The following GBF1 variants were observed in gnomAD, a reference collection of about 807,000 sequenced individuals.
GBF1 encodes golgi brefeldin A resistant guanine nucleotide exchange factor 1, also known as Golgi-specific brefeldin A-resistance guanine nucleotide exchange factor 1.
Under a neutral mutation model 210.5 loss-of-function variants are expected in GBF1, and 114 were observed. The observed-to-expected ratio is 0.54, with a 90% confidence interval of 0.47 to 0.63. GBF1 has a LOEUF of 0.63. Among genes scored for constraint, GBF1 ranks in the 30% least tolerant of loss-of-function variants. GBF1 has a pLI of 0.00. For missense variants in GBF1, 1,851 were observed against 2,357.7 expected (o/e 0.79, Z 4.45); for synonymous variants, 850 against 889.2 (o/e 0.96, Z 0.78).
At chr10:102,261,397 G>C (rs1456147930) in intron 3 of GBF1, among the ~76,000 whole-genome samples, 24 of 152,080 alleles carry the variant, frequency 1.6e-4, no homozygotes. Context: ...ACCACAAAGG[G>C]CTCCTGCAGT....
chr10:102,377,260 C>T, intron 33 of GBF1, 120 bp downstream of exon 33: 2 of 676,008 alleles, frequency 3.0e-6, no homozygotes, highest in East Asian at 2.7e-5. Flanking sequence ...GGCCCTGGAC[C>T]ACCATCTTCA....
At chr10:102,279,039 G>T (rs1362384295) in intron 3 of GBF1, among the ~76,000 whole-genome samples, 1 of 152,092 alleles carries the variant, frequency 6.6e-6, no homozygotes, top group African/African-American at 2.4e-5. Context: ...CCAATTTCTG[G>T]TTGCAGTTAT....
At chr10:102,345,222 C>A (rs1234674159) in intron 4 of GBF1, among the ~76,000 whole-genome samples, 1 of 144,396 alleles carries the variant, frequency 6.9e-6, no homozygotes, top group African/African-American at 2.6e-5. Context: ...GCGGAGTTTG[C>A]AGAGAGCAGA....
chr10:102,270,510 T>C (rs1044268053), intron 3 of GBF1, among the ~76,000 whole-genome samples: 1 of 152,240 alleles, frequency 6.6e-6, no homozygotes, highest in Non-Finnish European at 1.5e-5. Flanking sequence ...AATACCATAA[T>C]GATTACCCAT....
chr10:102,301,949 C>T (rs1158291117), intron 3 of GBF1, among the ~76,000 whole-genome samples: 5 of 145,330 alleles, frequency 3.4e-5, no homozygotes, highest in East Asian at 2.0e-4. Flanking sequence ...GCCGAGATCA[C>T]GCCACTGCAC....
chr10:102,288,258 C>T (rs1163583500), intron 3 of GBF1, among the ~76,000 whole-genome samples: 2 of 152,152 alleles, frequency 1.3e-5, no homozygotes, highest in Non-Finnish European at 2.9e-5. Flanking sequence ...TACTGATCCT[C>T]TAAAATTTGG....
intron 3 of GBF1, among the ~76,000 whole-genome samples, chr10:102,278,836 C>T (rs1233375596): frequency 1.3e-5 from 2 of 152,154 alleles, no homozygotes; most frequent in African/African-American, 4.8e-5. Flanking sequence ...CTCAGGGTAT[C>T]ACAACTGCAG....
At chr10:102,293,764 G>GTATTTTTTTT (rs2076641356) in intron 3 of GBF1, among the ~76,000 whole-genome samples, 5 of 50,888 alleles carry the variant, frequency 9.8e-5, no homozygotes, top group African/African-American at 1.7e-4. Context: ...GCTGTAGTAT[G>GTATTTTTTTT]TTTTGTGTTT....
At chr10:102,290,136 C>T (rs969937976) in intron 3 of GBF1, among the ~76,000 whole-genome samples, 2 of 152,136 alleles carry the variant, frequency 1.3e-5, no homozygotes, top group Non-Finnish European at 2.9e-5. Context: ...CACTGTTTAC[C>T]TTCTCTAACC....
rs1361749039 is a variant in GBF1 at position 102,296,185 on chromosome 10, CAG to C, written c.163+36070_163+36071del. ...CTTAAACCAAGGTCACATAGCTTAT[CAG>C]GGGGAAAGCTAGAACTCAGGTCTCC... On this transcript the variant is annotated intron_variant, in intron 3 of 39. Coordinates refer to ENST00000369983, the MANE Select transcript of GBF1 (RefSeq NM_001377137.1). Among the ~76,000 whole-genome samples, 13 of 152,250 alleles carry C rather than the reference CAG, an allele frequency of 8.5e-5. No individual in the cohort carries two copies. In the East Asian group the frequency reaches 2.5e-3, roughly 29 times the overall value.
At chr10:102,324,942 A>G (rs1191831509) in intron 3 of GBF1, among the ~76,000 whole-genome samples, 1 of 152,198 alleles carries the variant, frequency 6.6e-6, no homozygotes, top group Non-Finnish European at 1.5e-5. Flanking sequence ...AACTTGCCTT[A>G]TAGTATTCTT....
At chr10:102,345,550 G>A (rs2058491764) in intron 4 of GBF1, among the ~76,000 whole-genome samples, 1 of 149,084 alleles carries the variant, frequency 6.7e-6, no homozygotes, top group East Asian at 2.0e-4. Context: ...AGGAGGCTGA[G>A]GCAGGAGAAT....
chr10:102,363,495 C>T lies in GBF1; in HGVS notation c.2017+99C>T. 1 of 1,174,732 alleles carries T rather than the reference C, an allele frequency of 8.5e-7. No homozygotes were observed. The highest frequency in any genetic ancestry group is 1.2e-6 in the Non-Finnish European group (1 of 816,898). 72.8% of individuals were successfully genotyped at this position (1,174,732 alleles called of 1,614,324 possible). A position where few individuals can be genotyped will look rare whatever the true frequency, so the allele number is the denominator to read the frequency against. The stretch of plus-strand genomic sequence containing the variant: ...CACCTAGGATAGTAACTAAGCAAGC[C>T]TTGGTAGCCCGCCTCGCCTTCAGAC... On this transcript the variant is annotated intron_variant, in intron 16 of 39. Transcript: ENST00000369983. This position sits in a 1 kb window ranked among gnomAD's most constrained non-coding sequence, Gnocchi z 4.2.
In GBF1 at chr10:102,381,112, C is replaced by A; in HGVS notation, c.5174-15C>A. Reference sequence around the variant, plus strand: ...AGCACTAAGAGGTGCCATCTCAATTCTCTACCGTCTCCAGACCCCATGCCC... The same window carrying A: ...AGCACTAAGAGGTGCCATCTCAATTATCTACCGTCTCCAGACCCCATGCCC... On this transcript the variant is annotated splice_polypyrimidine_tract_variant and intron_variant, in intron 38 of 39. Coordinates refer to ENST00000369983, the MANE Select transcript of GBF1 (RefSeq NM_001377137.1). The A allele has an allele frequency of 6.2e-7, 1 of 1,612,704 alleles. No individual in the cohort carries two copies. Among genetic ancestry groups the A allele is most frequent in the Non-Finnish European group, 8.5e-7 (1 of 1,179,080 alleles).
At chr10:102,241,939 C>T (rs1181032863), upstream of GBF1, among the ~76,000 whole-genome samples, 1 of 152,224 alleles carries the variant, frequency 6.6e-6, no homozygotes, top group Non-Finnish European at 1.5e-5. This position sits in a 1 kb window ranked among gnomAD's most constrained non-coding sequence, Gnocchi z 6.7. Context: ...GCTCAGACTT[C>T]TCTGCCACTC....
intron 1 of GBF1, among the ~76,000 whole-genome samples, chr10:102,246,875 T>A (rs887158636): frequency 3.3e-5 from 5 of 152,244 alleles, no homozygotes; most frequent in Non-Finnish European, 5.9e-5. Context: ...CTGTGGAGGA[T>A]ACAAATGGAA....
intron 29 of GBF1, among the ~76,000 whole-genome samples, chr10:102,373,162 TAAAAC>T (rs765403109): frequency 3.3e-5 from 5 of 152,268 alleles, no homozygotes; most frequent in East Asian, 1.9e-4. Flanking sequence ...ACAACAGTGA[TAAAAC>T]AATCCAATTA....
intron 26 of GBF1, 74 bp downstream of exon 26, chr10:102,370,058 T>C: frequency 1.3e-6 from 2 of 1,579,908 alleles, no homozygotes; most frequent in African/African-American, 1.3e-5. Flanking sequence ...AACTGAAGAA[T>C]AAATCATCCA....
chr10:102,234,605 T>C, the GBF1 span, among the ~76,000 whole-genome samples: 4 of 151,952 alleles, frequency 2.6e-5, no homozygotes, highest in East Asian at 1.9e-4. Context: ...GAACTGAGAG[T>C]TGGAAAAAGG....
Sources: gnomAD v4.1 joint callset for allele counts (sites outside exome capture counted in the v4.1 genomes callset) on GRCh38, gnomAD v4.1.1 for gene constraint, Gnocchi (gnomAD v3.1) non-coding constraint, MANE v1.5 for transcripts, NCBI Gene and HGNC (gene_info 2026-07-23, HGNC 2026-07-21) for gene names.